GOLM2: variants seen among roughly 807,000 people sequenced by gnomAD.
The protein encoded by GOLM2 is golgi membrane protein 2.
In GOLM2, 26 loss-of-function variants were observed where a neutral mutation model predicts 55.9. The observed-to-expected ratio is 0.47, with a 90% CI of 0.34 to 0.65. The LOEUF (loss-of-function observed/expected upper bound fraction) is 0.65, where lower values mean the gene tolerates loss of function less well. Ranked by LOEUF, GOLM2 falls within the 30% of genes least tolerant of loss-of-function variation. GOLM2 has a pLI of 0.01. For synonymous variants in GOLM2, 165 were observed against 194.6 expected, an observed-to-expected ratio of 0.85 and a Z score of 1.27; for missense variants, 486 against 531.8, an observed-to-expected ratio of 0.91 and a Z score of 0.85.
Position 44,289,247 on chromosome 15 carries a change from T to C in GOLM2, c.218T>C (p.Leu73Ser). 6.2e-7 allele frequency: 1 copy of C among 1,614,138 alleles called. No homozygotes were observed. The highest frequency in any genetic ancestry group is 1.7e-5 in the Admixed American group (1 of 60,020). ...AAGCGCAATTCGGACCTCTTGCTGT[T>C]GGTGGACACGCACAAGAAACAGATC... Reference protein sequence around the residue: ...LEKRNSDLLLLVDTHKKQIDQ... With the variant: ...LEKRNSDLLLSVDTHKKQIDQ... Residue 73 changes from leucine (L) to serine (S), a missense_variant, in exon 1 of 10, where the codon TTG becomes TCG. Transcript: ENST00000299957. This position sits in a 1 kb window ranked among gnomAD's most constrained non-coding sequence, Gnocchi z 4.8.
intron 1 of GOLM2, among the ~76,000 whole-genome samples, chr15:44,299,787 T>C (rs2078783943): frequency 1.3e-5 from 2 of 151,862 alleles, no homozygotes; most frequent in Non-Finnish European, 2.9e-5. Flanking sequence ...CTTTCTTTCA[T>C]GGGTGCATTG....
At chr15:44,408,535 T>A (rs1228224019) in intron 9 of GOLM2, among the ~76,000 whole-genome samples, 1 of 152,232 alleles carries the variant, frequency 6.6e-6, no homozygotes, top group Non-Finnish European at 1.5e-5. Flanking sequence ...ACAGTTGTTA[T>A]CTCTATTTTC....
chr15:44,367,228 T>C (rs1460381724), intron 6 of GOLM2, among the ~76,000 whole-genome samples: 8 of 151,108 alleles, frequency 5.3e-5, no homozygotes, highest in Non-Finnish European at 8.9e-5. Flanking sequence ...TTTTTTTTTT[T>C]CTGTCTGGCC....
intron 6 of GOLM2, among the ~76,000 whole-genome samples, chr15:44,368,832 TC>T (rs1414652391): frequency 6.6e-6 from 1 of 150,878 alleles, no homozygotes; most frequent in Non-Finnish European, 1.5e-5. Context: ...TTCTGTTGAT[TC>T]CTTTTTTTCT....
At chr15:44,401,256 C>T (rs2079563347) in intron 8 of GOLM2, among the ~76,000 whole-genome samples, 2 of 151,988 alleles carry the variant, frequency 1.3e-5, no homozygotes. Flanking sequence ...AGACTACAGA[C>T]CCCTGGCTAA....
chr15:44,301,790 T>C (rs1167112816), intron 1 of GOLM2, among the ~76,000 whole-genome samples: 1 of 152,054 alleles, frequency 6.6e-6, no homozygotes, highest in African/African-American at 2.4e-5. Flanking sequence ...CACATGCCTA[T>C]AATCCCATTT....
At chr15:44,379,638 T>TTTTG in intron 6 of GOLM2, 52 bp from the exon 7 acceptor site, 2 of 710,020 alleles carry the variant, frequency 2.8e-6, no homozygotes, top group Non-Finnish European at 4.6e-6. Context: ...TTTTTTTTTT[T>TTTTG]AGAAATCATA....
intron 6 of GOLM2, among the ~76,000 whole-genome samples, chr15:44,349,334 A>T: frequency 6.7e-6 from 1 of 150,050 alleles, no homozygotes; most frequent in South Asian, 2.1e-4. Flanking sequence ...AGTAGAAACC[A>T]AAAAAAAGAG....
chr15:44,302,713 A>G (rs114743769), intron 1 of GOLM2, among the ~76,000 whole-genome samples: 3,561 of 150,944 alleles, frequency 0.024, 145 homozygotes, highest in African/African-American at 0.082. Flanking sequence ...CTGGTCTTGA[A>G]CTCCAGGACT....
At chr15:44,395,617 G>A (rs773971504) in intron 8 of GOLM2, among the ~76,000 whole-genome samples, 9 of 151,230 alleles carry the variant, frequency 6.0e-5, no homozygotes, top group East Asian at 2.0e-4. Context: ...CAAGGCGGGC[G>A]AATCACAAGG....
chr15:44,353,984 C>A (rs554588013), intron 6 of GOLM2, among the ~76,000 whole-genome samples: 18 of 152,008 alleles, frequency 1.2e-4, no homozygotes, highest in South Asian at 8.3e-4. Context: ...CCCCATTTAC[C>A]CTGGTGTGAT....
intron 6 of GOLM2, among the ~76,000 whole-genome samples, chr15:44,364,656 C>T (rs2079270990): frequency 6.6e-6 from 1 of 151,742 alleles, no homozygotes; most frequent in Non-Finnish European, 1.5e-5. Context: ...GATTACACCA[C>T]TGCACTCCAG....
intron 6 of GOLM2, among the ~76,000 whole-genome samples, chr15:44,353,774 A>G (rs1353039881): frequency 6.6e-6 from 1 of 152,212 alleles, no homozygotes; most frequent in Non-Finnish European, 1.5e-5. Flanking sequence ...AATGGTTACC[A>G]GAGGCTGTGA....
At chr15:44,369,115 AT>A in intron 6 of GOLM2, among the ~76,000 whole-genome samples, 1 of 101,112 alleles carries the variant, frequency 9.9e-6, no homozygotes, top group African/African-American at 4.0e-5. Flanking sequence ...ATATATATAT[AT>A]ACCCGGCTAC....
intron 8 of GOLM2, among the ~76,000 whole-genome samples, chr15:44,400,669 T>C (rs1272280759): frequency 1.4e-5 from 2 of 146,872 alleles, no homozygotes; most frequent in Admixed American, 6.9e-5. Flanking sequence ...CTCTGCCTCC[T>C]GGGTTCACAC....
chr15:44,398,347 C>A (rs2079540986), intron 8 of GOLM2, among the ~76,000 whole-genome samples: 1 of 152,194 alleles, frequency 6.6e-6, no homozygotes, highest in Admixed American at 6.6e-5. Context: ...ATCCTGTCAC[C>A]CAGGCTGGAA....
intron 1 of GOLM2, among the ~76,000 whole-genome samples, chr15:44,305,264 T>C (rs983618721): frequency 6.6e-6 from 1 of 152,224 alleles, no homozygotes; most frequent in African/African-American, 2.4e-5. Flanking sequence ...CCTCCCAAAG[T>C]GATGGAATTA....
Position 44,337,918 on chromosome 15 carries a change from T to C in GOLM2, c.721+11T>C. ...TTCCACATGGGAAAGGTATTATTGT[T>C]ATTATTCTTTTGTTTTGTATTAATA... On this transcript the variant is annotated intron_variant, in intron 5 of 9. Coordinates refer to ENST00000299957, the MANE Select transcript of GOLM2 (RefSeq NM_138423.4). The C allele has an allele frequency of 6.3e-7, 1 of 1,577,472 alleles. No homozygotes were observed. The highest frequency in any genetic ancestry group is 8.6e-7 in the Non-Finnish European group (1 of 1,169,244).
intron 9 of GOLM2, among the ~76,000 whole-genome samples, chr15:44,411,643 C>T (rs370239749): frequency 2.6e-5 from 4 of 151,882 alleles, no homozygotes; most frequent in East Asian, 3.9e-4. Flanking sequence ...AGTTTGAGAC[C>T]GGCCTGGCCA....
Sources: allele counts gnomAD v4.1 joint callset (sites outside exome capture counted in the v4.1 genomes callset), GRCh38; gene constraint gnomAD v4.1.1; non-coding constraint Gnocchi (gnomAD v3.1); transcripts MANE v1.5; gene names NCBI Gene and HGNC (gene_info 2026-07-23, HGNC 2026-07-21).